Variants in FOXP2 observed in about 807,000 individuals in gnomAD.
FOXP2 encodes forkhead box protein P2.
A neutral mutation model predicts 115.8 loss-of-function variants in FOXP2; 12 were observed. The ratio of observed to expected loss-of-function variants is 0.10; its 90% CI spans 0.07 to 0.17. The LOEUF is 0.17. FOXP2 is among the 10% of genes least tolerant of loss of function. FOXP2 has a pLI of 1.00. For missense variants in FOXP2, 629 were observed against 843.5 expected (o/e 0.75, Z 3.15); for synonymous variants, 328 against 297.7 (o/e 1.10, Z -1.05).
intron 1 of FOXP2, among the ~76,000 whole-genome samples, chr7:114,247,274 T>C (rs1031818879): frequency 6.6e-6 from 1 of 152,216 alleles, no homozygotes; most frequent in Non-Finnish European, 1.5e-5. Context: ...CCCAGAACTT[T>C]TTTAAAGCTC....
At chr7:114,317,917 T>C (rs1797311305) in intron 2 of FOXP2, among the ~76,000 whole-genome samples, 1 of 152,064 alleles carries the variant, frequency 6.6e-6, no homozygotes. Flanking sequence ...GCAGCAGCTG[T>C]TCCCTCTGAC....
chr7:114,242,101 T>C (rs1795170599), intron 1 of FOXP2, among the ~76,000 whole-genome samples: 1 of 150,778 alleles, frequency 6.6e-6, no homozygotes, highest in South Asian at 2.1e-4. Context: ...TGAATGACTA[T>C]TAATTTAGAT....
At chr7:114,357,499 C>T (rs1361892704) in intron 2 of FOXP2, among the ~76,000 whole-genome samples, 2 of 152,144 alleles carry the variant, frequency 1.3e-5, no homozygotes, top group Admixed American at 1.3e-4. Flanking sequence ...CAGCCTTGTC[C>T]TAAGGCTAAT....
chr7:114,550,220 C>T (rs955954897), intron 3 of FOXP2, among the ~76,000 whole-genome samples: 3 of 150,598 alleles, frequency 2.0e-5, no homozygotes, highest in African/African-American at 7.4e-5. Context: ...TGGGTTGACG[C>T]CATTCTCCTG....
At chr7:114,605,707 AG>A (rs1366200833) in intron 3 of FOXP2, among the ~76,000 whole-genome samples, 1 of 152,204 alleles carries the variant, frequency 6.6e-6, no homozygotes, top group Non-Finnish European at 1.5e-5. Context: ...CCTGGTGGAA[AG>A]CATGTGTTCT....
intron 1 of FOXP2, among the ~76,000 whole-genome samples, chr7:114,109,907 G>T (rs1238986780): frequency 6.6e-6 from 1 of 152,048 alleles, no homozygotes; most frequent in Non-Finnish European, 1.5e-5. Context: ...TGTGGCATAT[G>T]GTGCATTTTC....
chr7:114,457,031 A>G (rs1795340415), intron 2 of FOXP2, among the ~76,000 whole-genome samples: 1 of 152,168 alleles, frequency 6.6e-6, no homozygotes, highest in Non-Finnish European at 1.5e-5. Flanking sequence ...TGGGAGATGT[A>G]AGACAAAGGG....
intron 2 of FOXP2, among the ~76,000 whole-genome samples, chr7:114,317,124 G>A (rs1405385052): frequency 1.3e-5 from 2 of 152,092 alleles, no homozygotes; most frequent in Non-Finnish European, 2.9e-5. Flanking sequence ...TAGTTGTTTT[G>A]TTACTCCCTC....
intron 1 of FOXP2, chr7:114,088,353 G>T (rs990113237): frequency 6.6e-6 from 1 of 152,256 alleles, no homozygotes; most frequent in Non-Finnish European, 1.5e-5. Context: ...TGTAGTCATC[G>T]TGGATCAGGA....
intron 3 of FOXP2, among the ~76,000 whole-genome samples, chr7:114,558,623 A>G (rs1443278872): frequency 6.6e-6 from 1 of 152,084 alleles, no homozygotes; most frequent in South Asian, 2.1e-4. Context: ...TATGATGTCT[A>G]CTTCTTTAGT....
intron 1 of FOXP2, among the ~76,000 whole-genome samples, chr7:114,153,397 G>T (rs1792575590): frequency 6.6e-6 from 1 of 152,126 alleles, no homozygotes; most frequent in African/African-American, 2.4e-5. Context: ...TTGTGTAGTT[G>T]TTCCTAGTTT....
intron 1 of FOXP2, among the ~76,000 whole-genome samples, chr7:114,229,828 C>T (rs764023981): frequency 2.7e-5 from 4 of 150,844 alleles, no homozygotes; most frequent in African/African-American, 4.9e-5. Context: ...GACTCTACAC[C>T]GTAAGAAACC....
intron 1 of FOXP2, among the ~76,000 whole-genome samples, chr7:114,120,115 G>A (rs1428418161): frequency 6.6e-6 from 1 of 152,112 alleles, no homozygotes; most frequent in African/African-American, 2.4e-5. Context: ...TAAGTAGGTG[G>A]ATGAGCAGCA....
chr7:114,292,250 TA>T (rs1796623705), intron 2 of FOXP2, among the ~76,000 whole-genome samples: 1 of 151,912 alleles, frequency 6.6e-6, no homozygotes, highest in Non-Finnish European at 1.5e-5. Flanking sequence ...ATGTTAAACT[TA>T]AAATTCATGA....
At chr7:114,107,070 T>C (rs1791137034) in intron 1 of FOXP2, among the ~76,000 whole-genome samples, 1 of 151,998 alleles carries the variant, frequency 6.6e-6, no homozygotes, top group African/African-American at 2.4e-5. Context: ...ATGATTTCTA[T>C]GTCATTTGAT....
intron 2 of FOXP2, among the ~76,000 whole-genome samples, chr7:114,488,186 C>T (rs1796880317): frequency 6.6e-6 from 1 of 152,112 alleles, no homozygotes; most frequent in African/African-American, 2.4e-5. Context: ...ATGAACTCCC[C>T]TCTATAAAAC....
At chr7:114,625,971 C>T (rs1057279720) in intron 3 of FOXP2, among the ~76,000 whole-genome samples, 30 of 151,590 alleles carry the variant, frequency 2.0e-4, no homozygotes, top group Non-Finnish European at 4.4e-4. Context: ...TTAATTGGCT[C>T]ATCTTTCTAT....
intron 2 of FOXP2, among the ~76,000 whole-genome samples, chr7:114,474,856 T>C (rs1654280384): frequency 6.6e-6 from 1 of 152,140 alleles, no homozygotes; most frequent in African/African-American, 2.4e-5. Flanking sequence ...AACTGGCATC[T>C]CTTGACTTGT....
intron 3 of FOXP2, among the ~76,000 whole-genome samples, chr7:114,607,240 C>T (rs1803379444): frequency 6.6e-6 from 1 of 152,112 alleles, no homozygotes. Flanking sequence ...CCAAACCTGT[C>T]TGTTGGGAAG....
Sources: gnomAD v4.1 joint callset for allele counts (sites outside exome capture counted in the v4.1 genomes callset) on GRCh38, gnomAD v4.1.1 for gene constraint, MANE v1.5 for transcripts, NCBI Gene and HGNC (gene_info 2026-07-23, HGNC 2026-07-21) for gene names.